KCNIP4: variants seen among roughly 807,000 people sequenced by gnomAD.
KCNIP4 encodes the protein Kv channel-interacting protein 4.
Under a neutral mutation model 34.0 loss-of-function variants are expected in KCNIP4, and 12 were observed. That is an observed-to-expected ratio of 0.35 (90% CI 0.23 to 0.57). The LOEUF (loss-of-function observed/expected upper bound fraction) is 0.57. KCNIP4 is among the 20% of genes least tolerant of loss of function. The pLI, the probability that KCNIP4 is intolerant of heterozygous loss-of-function variation, is 0.83. For synonymous variants in KCNIP4, 124 were observed against 102.2 expected, an observed-to-expected ratio of 1.21 and a Z score of -1.29; for missense variants, 238 against 311.7, an observed-to-expected ratio of 0.76 and a Z score of 1.78.
chr4:21,081,258 G>A (rs529244858), intron 1 of KCNIP4, among the ~76,000 whole-genome samples: 19 of 151,920 alleles, frequency 1.3e-4, no homozygotes, highest in Middle Eastern at 3.4e-3. Flanking sequence ...ACAAGGCCTA[G>A]CTGATTATTG....
At chr4:20,793,013 T>G (rs1712979585) in intron 3 of KCNIP4, among the ~76,000 whole-genome samples, 1 of 152,124 alleles carries the variant, frequency 6.6e-6, no homozygotes, top group African/African-American at 2.4e-5. Flanking sequence ...GTTGGCAATA[T>G]CTTAAAAAGT....
chr4:21,758,500 C>T (rs773339027), intron 1 of KCNIP4, among the ~76,000 whole-genome samples: 6 of 152,210 alleles, frequency 3.9e-5, no homozygotes, highest in Non-Finnish European at 7.3e-5. Context: ...TGCATTTTCA[C>T]TTCCTGCAAT....
At chr4:20,993,805 AG>A (rs1341703899) in intron 1 of KCNIP4, among the ~76,000 whole-genome samples, 2 of 152,232 alleles carry the variant, frequency 1.3e-5, no homozygotes, top group Non-Finnish European at 2.9e-5. Context: ...CGGTTCTGGA[AG>A]TCAGAAGTTT....
At chr4:21,511,073 C>T (rs950451376) in intron 1 of KCNIP4, among the ~76,000 whole-genome samples, 3 of 151,662 alleles carry the variant, frequency 2.0e-5, no homozygotes, top group East Asian at 3.9e-4. Flanking sequence ...AATAATAAAT[C>T]GTTTGCCACA....
chr4:20,741,056 C>A (rs1277528517), intron 5 of KCNIP4, among the ~76,000 whole-genome samples: 2 of 152,152 alleles, frequency 1.3e-5, no homozygotes, highest in Non-Finnish European at 2.9e-5. Flanking sequence ...TACAGGAGCA[C>A]CCAGATTCAT....
rs142624508 is a variant in KCNIP4, at chr4:21,034,209, T to C, written c.62-151500A>G. 5.7e-3 allele frequency among the ~76,000 whole-genome samples: 873 copies of C among 152,284 alleles called. 10 individuals carry two copies. The highest frequency in any genetic ancestry group is 0.02 in the African/African-American group (828 of 41,558). Reference sequence around the variant, plus strand: ...CAGTGCACACTTATAGAAGAGTTCCTTCCCCCTAAACCCTAGAATTCTAGC... The same window carrying C: ...CAGTGCACACTTATAGAAGAGTTCCCTCCCCCTAAACCCTAGAATTCTAGC... On this transcript the variant is annotated intron_variant, in intron 1 of 8. Transcript: ENST00000382152.
chr4:21,879,318 C>T (rs1215184932), intron 1 of KCNIP4, among the ~76,000 whole-genome samples: 1 of 152,198 alleles, frequency 6.6e-6, no homozygotes, highest in African/African-American at 2.4e-5. Context: ...ACCAAGCAAA[C>T]CCCATGAACT....
In KCNIP4 at chr4:20,730,074, T is replaced by TTGACAAGTTAAATCACATTTTC. The variant is rs1747602647; in HGVS notation, c.739_*7dup. 1 of 1,607,172 alleles carries TTGACAAGTTAAATCACATTTTC rather than the reference T, an allele frequency of 6.2e-7. No individual in the cohort carries two copies. On this transcript the variant is annotated 3_prime_UTR_variant, in exon 9 of 9. Transcript: ENST00000382152. ...TTTGTCTGTTGGATTCAGGATCTAT[T>TTGACAAGTTAAATCACATTTTC]TGACAAGTTAAATCACATTTTCAAA...
chr4:21,702,619 C>T (rs2109064372), intron 1 of KCNIP4, among the ~76,000 whole-genome samples: 1 of 151,878 alleles, frequency 6.6e-6, no homozygotes, highest in Non-Finnish European at 1.5e-5. Context: ...ATAAAATTTT[C>T]CATTAAAAAA....
intron 1 of KCNIP4, among the ~76,000 whole-genome samples, chr4:21,507,953 G>T (rs568838974): frequency 3.3e-5 from 5 of 152,238 alleles, no homozygotes; most frequent in African/African-American, 9.6e-5. Context: ...CACCATATAA[G>T]TTGCATCTGA....
At chr4:21,712,214 T>C (rs1017874425) in intron 1 of KCNIP4, among the ~76,000 whole-genome samples, 2 of 152,242 alleles carry the variant, frequency 1.3e-5, no homozygotes, top group East Asian at 1.9e-4. Flanking sequence ...CGTTCTAAAA[T>C]ATTTTTAAAG....
chr4:20,988,554 A>G (rs1289591773), intron 1 of KCNIP4, among the ~76,000 whole-genome samples: 1 of 152,238 alleles, frequency 6.6e-6, no homozygotes, highest in African/African-American at 2.4e-5. Context: ...TGTTGACATT[A>G]TAATAAATGC....
chr4:20,851,527 A>C (rs1721021375), intron 2 of KCNIP4, among the ~76,000 whole-genome samples: 1 of 152,156 alleles, frequency 6.6e-6, no homozygotes, highest in Non-Finnish European at 1.5e-5. Context: ...AGAATGAATT[A>C]TATTCCTTTG....
At chr4:20,761,383 G>T (rs193206482) in intron 3 of KCNIP4, among the ~76,000 whole-genome samples, 201 of 152,244 alleles carry the variant, frequency 1.3e-3, no homozygotes, top group African/African-American at 4.2e-3. Context: ...CTCCAAAGGT[G>T]GTATGTATAC....
At chr4:21,343,881 T>C (rs1717022193) in intron 1 of KCNIP4, among the ~76,000 whole-genome samples, 1 of 152,154 alleles carries the variant, frequency 6.6e-6, no homozygotes, top group South Asian at 2.1e-4. Context: ...TTTTTATTAA[T>C]AACTCATTAA....
At chr4:21,274,386 A>C (rs573889261) in intron 1 of KCNIP4, among the ~76,000 whole-genome samples, 26 of 152,352 alleles carry the variant, frequency 1.7e-4, no homozygotes, top group African/African-American at 5.8e-4. Flanking sequence ...CCAATCACAA[A>C]GAAAAGAATC....
chr4:21,396,594 A>G (rs1723033003), intron 1 of KCNIP4, among the ~76,000 whole-genome samples: 1 of 149,556 alleles, frequency 6.7e-6, no homozygotes, highest in Non-Finnish European at 1.5e-5. Flanking sequence ...TAAAGTAGAG[A>G]GATAAACTAT....
chr4:20,985,325 A>T (rs28738956), intron 1 of KCNIP4, among the ~76,000 whole-genome samples: 237 of 152,318 alleles, frequency 1.6e-3, no homozygotes, highest in African/African-American at 5.1e-3. Context: ...TCACAATAAT[A>T]GTTAACATGT....
chr4:21,062,431 G>T (rs1432314609), intron 1 of KCNIP4, among the ~76,000 whole-genome samples: 4 of 152,040 alleles, frequency 2.6e-5, no homozygotes, highest in Admixed American at 2.0e-4. Context: ...TTAGGATGAG[G>T]TCAGATTGGA....
Sources: allele counts gnomAD v4.1 joint callset (sites outside exome capture counted in the v4.1 genomes callset), GRCh38; gene constraint gnomAD v4.1.1; transcripts MANE v1.5; gene names NCBI Gene and HGNC (gene_info 2026-07-23, HGNC 2026-07-21).